The following AMER2 variants were observed in gnomAD, a reference collection of about 807,000 sequenced individuals.
AMER2 encodes family with sequence similarity 123A.
Under a neutral mutation model 4.7 loss-of-function variants are expected in AMER2, and 1 was observed. The observed-to-expected ratio is 0.21, with a 90% CI of 0.07 to 1.00. The LOEUF (loss-of-function observed/expected upper bound fraction) is 1.00, where lower values mean the gene tolerates loss of function less well. AMER2 is among the 50% of genes least tolerant of loss of function. AMER2 has a pLI of 0.60. For missense variants in AMER2, 988 were observed against 966.9 expected, an observed-to-expected ratio of 1.02 and a Z score of -0.29; for synonymous variants, 485 against 433.3, an observed-to-expected ratio of 1.12 and a Z score of -1.48.
Position 25,170,775 on chromosome 13 carries a change from C to A in AMER2, c.845G>T (p.Arg282Leu), listed in dbSNP as rs759449403. 17 of 1,372,076 alleles carry A rather than the reference C, an allele frequency of 1.2e-5. No individual in the cohort carries two copies. The South Asian group carries it at 2.8e-4, about 23-fold the overall frequency. The allele number at this position is 1,372,076 out of a possible 1,614,324, so 85.0% of individuals were successfully genotyped here. A position where few individuals can be genotyped will look rare whatever the true frequency, so the allele number is the denominator to read the frequency against. The change falls in exon 1 of 1, where the codon CGA becomes CTA. Residue 282 changes from arginine (R) to leucine (L), a missense_variant. Arg to Leu is a moderately radical substitution (Grantham distance 102). Coordinates refer to ENST00000515384, the MANE Select transcript of AMER2 (RefSeq NM_152704.4). This position sits in a 1 kb window ranked among gnomAD's most constrained non-coding sequence, Gnocchi z 7.3. ...GGGGTGCGCGAGGCCCTCTGCCTCT[C>A]GGCAGCTCCGCGCTGGGGCGCGGTC... ...PADRAPARSC[R>L]EAEGLAHPGD...
In AMER2 at chr13:25,169,418, C is replaced by T. The variant is rs572323820; in HGVS notation, c.*186G>A. 122 of 623,000 alleles carry T rather than the reference C, an allele frequency of 2.0e-4. No individual in the cohort carries two copies. The South Asian group carries it at 2.7e-3, about 14-fold the overall frequency. The allele number at this position is 623,000 out of a possible 1,614,324, so 38.6% of individuals were successfully genotyped here. ...GGAGAAACCCCCGTGTAGCATCCCT[C>T]TTTCTGGTGTTATCCGGTCCCTGCT... On this transcript the variant is annotated 3_prime_UTR_variant, in exon 1 of 1. Coordinates refer to ENST00000515384, the MANE Select transcript of AMER2 (RefSeq NM_152704.4). This position sits in a 1 kb window ranked among gnomAD's most constrained non-coding sequence, Gnocchi z 4.2.
rs1364220068 is a variant in AMER2, at chr13:25,169,879, G to A, written c.1741C>T (p.Leu581=). 3 of 1,614,192 alleles carry A rather than the reference G, an allele frequency of 1.9e-6. No individual in the cohort carries two copies. Among genetic ancestry groups the A allele is most frequent in the Middle Eastern group, 1.6e-4 (1 of 6,062 alleles). ...GGAGATACGGGCTTTAACCGGGACAGGGAGGACGTCTCCTCGTTGTCCTTC... is the reference window on the plus strand; with the variant it reads ...GGAGATACGGGCTTTAACCGGGACAAGGAGGACGTCTCCTCGTTGTCCTTC... ...GGKDNEETSS[L]SRLKPVSPGT... The change falls in exon 1 of 1, where the codon CTG becomes TTG. Residue 581 remains leucine (L), a synonymous_variant. Coordinates refer to ENST00000515384, the MANE Select transcript of AMER2 (RefSeq NM_152704.4). This position sits in a 1 kb window ranked among gnomAD's most constrained non-coding sequence, Gnocchi z 4.2.
rs73479448 is a variant in AMER2 at position 25,165,994 on chromosome 13, C to G, written c.*3610G>C. 25,754 of 152,106 alleles carry G rather than the reference C, an allele frequency of 0.17. 2,397 individuals are homozygous for G. Among genetic ancestry groups the G allele is most frequent in the South Asian group, 0.27 (1,307 of 4,828 alleles). The allele number at this position is 152,106 out of a possible 1,614,324, so 9.4% of individuals were successfully genotyped here. A position where few individuals can be genotyped will look rare whatever the true frequency, so the allele number is the denominator to read the frequency against. On this transcript the variant is annotated 3_prime_UTR_variant, in exon 1 of 1. Coordinates refer to ENST00000515384, the MANE Select transcript of AMER2 (RefSeq NM_152704.4). Reference sequence around the variant, plus strand: ...GCCTTTAAAATTAATCTGACAAAGGCGTAAATAATGAAAACTCTTAGAAAA... The same window carrying G: ...GCCTTTAAAATTAATCTGACAAAGGGGTAAATAATGAAAACTCTTAGAAAA...
chr13:25,162,861 G>C lies in AMER2; in HGVS notation c.*6743C>G, dbSNP rs751231950. 5.9e-5 allele frequency: 9 copies of C among 152,140 alleles called. No individual in the cohort carries two copies. Among genetic ancestry groups the C allele is most frequent in the Non-Finnish European group, 1.0e-4 (7 of 68,030 alleles). 9.4% of individuals were successfully genotyped at this position (152,140 alleles called of 1,614,324 possible). A position where few individuals can be genotyped will look rare whatever the true frequency, so the allele number is the denominator to read the frequency against. ...ACCTACCTTACATGGTTCTTGTGAA[G>C]AGTAAAGATAACAATGTAAAAAAAG... On this transcript the variant is annotated 3_prime_UTR_variant, in exon 1 of 1. Coordinates refer to ENST00000515384, the MANE Select transcript of AMER2 (RefSeq NM_152704.4).
chr13:25,167,235 A>G lies in AMER2; in HGVS notation c.*2369T>C, dbSNP rs1228700813. 2.0e-5 allele frequency: 3 copies of G among 152,222 alleles called. No homozygotes were observed. Among genetic ancestry groups the G allele is most frequent in the Non-Finnish European group, 4.4e-5 (3 of 68,016 alleles). 9.4% of individuals were successfully genotyped at this position (152,222 alleles called of 1,614,324 possible). On this transcript the variant is annotated 3_prime_UTR_variant, in exon 1 of 1. Transcript: ENST00000515384. ...CAGGTATTCTTAACTTTCCTGTACA[A>G]TTGAACAAATGAACCAACATAACTT...
chr13:25,164,801 AT>A lies in AMER2; in HGVS notation c.*4802del, dbSNP rs772231023. On this transcript the variant is annotated 3_prime_UTR_variant, in exon 1 of 1. Transcript: ENST00000515384. Reference sequence around the variant, plus strand: ...TTTTTAGAGGCATTTGTGTGGCTTAATTCATAGTGCCCTTCTTCAACTTCAC... The same window carrying A: ...TTTTTAGAGGCATTTGTGTGGCTTAATCATAGTGCCCTTCTTCAACTTCAC... The A allele has an allele frequency of 3.9e-5, 6 of 152,230 alleles. No homozygotes were observed. The East Asian group carries it at 9.6e-4, about 24-fold the overall frequency. 9.4% of individuals were successfully genotyped at this position (152,230 alleles called of 1,614,324 possible). A position where few individuals can be genotyped will look rare whatever the true frequency, so the allele number is the denominator to read the frequency against.
chr13:25,168,253 C>T lies in AMER2; in HGVS notation c.*1351G>A, dbSNP rs2137438386. 6.6e-6 allele frequency: 1 copy of T among 152,264 alleles called. No individual in the cohort carries two copies. Among genetic ancestry groups the T allele is most frequent in the East Asian group, 1.9e-4 (1 of 5,188 alleles). The allele number at this position is 152,264 out of a possible 1,614,324, so 9.4% of individuals were successfully genotyped here. ...AAAAAAACTTGGCATAAAGTGTTTA[C>T]AATACATAAGCTTGCCAGTGTCATA... On this transcript the variant is annotated 3_prime_UTR_variant, in exon 1 of 1. Coordinates refer to ENST00000515384, the MANE Select transcript of AMER2 (RefSeq NM_152704.4).
chr13:25,170,658 C>T lies in AMER2; in HGVS notation c.962G>A (p.Arg321Lys). ...CGTCTTTACGGGAACGGCCCCCGTC[C>T]TGGAAGCGTCCTCTGCCGTGCGGAC... ...GEVRTAEDASRTGAVPVKTVP... is the reference protein window; with the variant it reads ...GEVRTAEDASKTGAVPVKTVP... Residue 321 changes from arginine (R) to lysine (K), a missense_variant, in exon 1 of 1, where the codon AGG becomes AAG. By Grantham distance (26) the Arg-to-Lys change is conservative. Transcript: ENST00000515384. The surrounding 1 kb of genome is among the most constrained non-coding windows in gnomAD (Gnocchi z 7.3). 1.9e-6 allele frequency: 3 copies of T among 1,550,628 alleles called. No individual in the cohort carries two copies. The highest frequency in any genetic ancestry group is 2.6e-6 in the Non-Finnish European group (3 of 1,146,926).
rs1956446680 is a variant in AMER2 at position 25,164,103 on chromosome 13, T to TCAAAA, written c.*5496_*5500dup. ...CTGGGTGACAGAGTAAGACTCCATCTCAAAAAAAAAAAAAAAAAAAATTAA... is the reference window on the plus strand; with the variant it reads ...CTGGGTGACAGAGTAAGACTCCATCTCAAAACAAAAAAAAAAAAAAAAAAAATTAA... On this transcript the variant is annotated 3_prime_UTR_variant, in exon 1 of 1. Coordinates refer to ENST00000515384, the MANE Select transcript of AMER2 (RefSeq NM_152704.4). 3 of 93,256 alleles carry TCAAAA rather than the reference T, an allele frequency of 3.2e-5. No homozygotes were observed. The highest frequency in any genetic ancestry group is 3.9e-5 in the Non-Finnish European group (2 of 51,062). 5.8% of individuals were successfully genotyped at this position (93,256 alleles called of 1,614,324 possible). A position where few individuals can be genotyped will look rare whatever the true frequency, so the allele number is the denominator to read the frequency against.
At position 25,170,492 on chromosome 13, in the gene AMER2, G is replaced by A; in HGVS notation, c.1128C>T (p.Asp376=). Residue 376 remains aspartate, a synonymous_variant, in exon 1 of 1, where the codon GAC becomes GAT. Coordinates refer to ENST00000515384, the MANE Select transcript of AMER2 (RefSeq NM_152704.4). This position sits in a 1 kb window ranked among gnomAD's most constrained non-coding sequence, Gnocchi z 7.3. ...TAATATCTCCACAGCCTGTAAGAGA[G>A]TCAAAGCTTTTCAGTGAAGTCACGT... ...FSDVTSLKSF[D]SLTGCGDIIA... 6 of 1,614,222 alleles carry A rather than the reference G, an allele frequency of 3.7e-6. No individual in the cohort carries two copies. Among genetic ancestry groups the A allele is most frequent in the Non-Finnish European group, 5.1e-6 (6 of 1,180,022 alleles).
Position 25,171,203 on chromosome 13 carries a change from C to G in AMER2, c.417G>C (p.Pro139=), listed in dbSNP as rs775202959. The G allele has an allele frequency of 3.6e-6, 5 of 1,390,956 alleles. No homozygotes were observed. The highest frequency in any genetic ancestry group is 3.7e-6 in the Non-Finnish European group (4 of 1,076,996). 86.2% of individuals were successfully genotyped at this position (1,390,956 alleles called of 1,614,324 possible). ...CGGGCCCTGCGGCTCTGGGGGGCCC[C>G]GGGTTCGGCCGCCCCCCGCCGCCCC... ...SGGGGGGRPN[P]GPPRAAGPGG... The change falls in exon 1 of 1, where the codon CCG becomes CCC. Residue 139 remains proline (P), a synonymous_variant. Coordinates refer to ENST00000515384, the MANE Select transcript of AMER2 (RefSeq NM_152704.4). The surrounding 1 kb of genome is among the most constrained non-coding windows in gnomAD (Gnocchi z 5.9).
At position 25,171,140 on chromosome 13, in the gene AMER2, C is replaced by T; in HGVS notation, c.480G>A (p.Ser160=). Residue 160 remains serine, a synonymous_variant, in exon 1 of 1, where the codon TCG becomes TCA. Coordinates refer to ENST00000515384, the MANE Select transcript of AMER2 (RefSeq NM_152704.4). This position sits in a 1 kb window ranked among gnomAD's most constrained non-coding sequence, Gnocchi z 5.9. ...TCTTCAGCAGCGAGAAGAAGCTGTG[C>T]GACTTGGCCACCGAGCTGCTGGCGA... The part of the protein sequence containing the change: ...GSLASSSVAK[S]HSFFSLLKKN... 2 of 1,549,738 alleles carry T rather than the reference C, an allele frequency of 1.3e-6. No individual in the cohort carries two copies. The highest frequency in any genetic ancestry group is 1.7e-6 in the Non-Finnish European group (2 of 1,148,628).
Position 25,170,127 on chromosome 13 carries a change from A to G in AMER2, c.1493T>C (p.Ile498Thr). ...VKRRRLNRIP[I>T]EPHPKEEPKH... ...GGGCTCCTCCTTAGGATGGGGCTCGATGGGAATCCGGTTGAGCCTCCTGCG... is the reference window on the plus strand; with the variant it reads ...GGGCTCCTCCTTAGGATGGGGCTCGGTGGGAATCCGGTTGAGCCTCCTGCG... The change falls in exon 1 of 1, where the codon ATC becomes ACC. Residue 498 changes from isoleucine to threonine, a missense_variant. Physicochemically the swap from Ile to Thr is moderately conservative, Grantham distance 89 (BLOSUM62 -1). Transcript: ENST00000515384. This position sits in a 1 kb window ranked among gnomAD's most constrained non-coding sequence, Gnocchi z 7.3. 6.2e-7 allele frequency: 1 copy of G among 1,613,882 alleles called. No homozygotes were observed. Among genetic ancestry groups the G allele is most frequent in the Non-Finnish European group, 8.5e-7 (1 of 1,179,958 alleles).
Position 25,171,460 on chromosome 13 carries a change from G to A in AMER2, c.160C>T (p.Pro54Ser), listed in dbSNP as rs773508036. 5.0e-6 allele frequency: 8 copies of A among 1,610,630 alleles called. No homozygotes were observed. Among genetic ancestry groups the A allele is most frequent in the Non-Finnish European group, 4.2e-6 (5 of 1,179,134 alleles). ...TTCCCCGACGGCGGCTCGGCGGCCG[G>A]CGTTTCGGCGGCACAGTCACAATGC... ...DLHCDCAAETPAAEPPSGKIN... is the reference protein window; with the variant it reads ...DLHCDCAAETSAAEPPSGKIN... Residue 54 changes from proline (P) to serine (S), a missense_variant, in exon 1 of 1, where the codon CCG (proline) becomes TCG (serine). Coordinates refer to ENST00000515384, the MANE Select transcript of AMER2 (RefSeq NM_152704.4). This position sits in a 1 kb window ranked among gnomAD's most constrained non-coding sequence, Gnocchi z 5.9.
rs1178966393 is a variant in AMER2, at chr13:25,170,415, C to T, written c.1205G>A (p.Gly402Glu). 3 of 1,614,040 alleles carry T rather than the reference C, an allele frequency of 1.9e-6. No homozygotes were observed. The highest frequency in any genetic ancestry group is 2.5e-6 in the Non-Finnish European group (3 of 1,180,030). ...TTTAGACAGAGCCGGCTTGCCTGGC[C>T]CGGGGACATGCTTGTCACAGCTGGG... ...AGPSCDKHVP[G>E]PGKPALSKKN... Residue 402 changes from glycine (G) to glutamate (E), a missense_variant, in exon 1 of 1, where the codon GGG becomes GAG. Coordinates refer to ENST00000515384, the MANE Select transcript of AMER2 (RefSeq NM_152704.4). This position sits in a 1 kb window ranked among gnomAD's most constrained non-coding sequence, Gnocchi z 7.3.
Position 25,166,203 on chromosome 13 carries a change from G to T in AMER2, c.*3401C>A, listed in dbSNP as rs1181230185. The T allele has an allele frequency of 6.6e-6, 1 of 152,128 alleles. No individual in the cohort carries two copies. Among genetic ancestry groups the T allele is most frequent in the Non-Finnish European group, 1.5e-5 (1 of 68,032 alleles). The allele number at this position is 152,128 out of a possible 1,614,324, so 9.4% of individuals were successfully genotyped here. A position where few individuals can be genotyped will look rare whatever the true frequency, so the allele number is the denominator to read the frequency against. Reference sequence around the variant, plus strand: ...TAAACCCTTTGTATTTAAATAAGCAGATAATTTGTGGAAAATGTATCTAAA... The same window carrying T: ...TAAACCCTTTGTATTTAAATAAGCATATAATTTGTGGAAAATGTATCTAAA... On this transcript the variant is annotated 3_prime_UTR_variant, in exon 1 of 1. Transcript: ENST00000515384.
chr13:25,170,127 ATGGGAATCCGGTTGAGCCTCC>A lies in AMER2; in HGVS notation c.1472_1492del (p.Arg491_Pro497del). Reference sequence around the variant, plus strand: ...GGGCTCCTCCTTAGGATGGGGCTCGATGGGAATCCGGTTGAGCCTCCTGCGCTTGACCGAGGACGCGTCCTT... The same window carrying A: ...GGGCTCCTCCTTAGGATGGGGCTCGATGCGCTTGACCGAGGACGCGTCCTT... On this transcript the variant is annotated inframe_deletion, in exon 1 of 1. Coordinates refer to ENST00000515384, the MANE Select transcript of AMER2 (RefSeq NM_152704.4). The surrounding 1 kb of genome is among the most constrained non-coding windows in gnomAD (Gnocchi z 7.3). 1 of 1,613,882 alleles carries A rather than the reference ATGGGAATCCGGTTGAGCCTCC, an allele frequency of 6.2e-7. No individual in the cohort carries two copies. Among genetic ancestry groups the A allele is most frequent in the South Asian group, 1.1e-5 (1 of 91,060 alleles).
chr13:25,165,653 A>G lies in AMER2; in HGVS notation c.*3951T>C, dbSNP rs373146834. On this transcript the variant is annotated 3_prime_UTR_variant, in exon 1 of 1. Transcript: ENST00000515384. ...CTTTCCTCAGTGATGAGATGAGGCA[A>G]TTGTGATGCTTATTCCTTATGTTTA... is the stretch of plus-strand genomic sequence containing the variant. 6.6e-6 allele frequency: 1 copy of G among 152,230 alleles called. No homozygotes were observed. The highest frequency in any genetic ancestry group is 2.4e-5 in the African/African-American group (1 of 41,462). The allele number at this position is 152,230 out of a possible 1,614,324, so 9.4% of individuals were successfully genotyped here.
chr13:25,169,473 T>C lies in AMER2; in HGVS notation c.*131A>G. On this transcript the variant is annotated 3_prime_UTR_variant, in exon 1 of 1. Coordinates refer to ENST00000515384, the MANE Select transcript of AMER2 (RefSeq NM_152704.4). This position sits in a 1 kb window ranked among gnomAD's most constrained non-coding sequence, Gnocchi z 4.2. ...GCACAAAGACCTCCTCGGTCCACGC[T>C]CTGGAGCAGGGCGGGGGACGGGTGG... is the stretch of plus-strand genomic sequence containing the variant. 7.9e-7 allele frequency: 1 copy of C among 1,269,502 alleles called. No homozygotes were observed. The highest frequency in any genetic ancestry group is 1.1e-6 in the Non-Finnish European group (1 of 947,884). The allele number at this position is 1,269,502 out of a possible 1,614,324, so 78.6% of individuals were successfully genotyped here.
Sources: gnomAD v4.1 joint callset for allele counts on GRCh38, gnomAD v4.1.1 for gene constraint, Gnocchi (gnomAD v3.1) non-coding constraint, MANE v1.5 for transcripts, NCBI Gene and HGNC (gene_info 2026-07-23, HGNC 2026-07-21) for gene names.